The following C19orf38 variants were observed in gnomAD, a reference collection of about 807,000 sequenced individuals.
C19orf38 encodes the protein protein HIDE1.
A neutral mutation model predicts 26.6 loss-of-function variants in C19orf38; 14 were observed. That is an observed-to-expected ratio of 0.53 (90% CI 0.35 to 0.82). The LOEUF is 0.82. Among genes scored for constraint, C19orf38 ranks in the 40% least tolerant of loss-of-function variants. The probability of loss-of-function intolerance (pLI) is 0.01; values close to 1 mark genes in which losing one functional copy is unlikely to be tolerated. For missense variants in C19orf38, 261 were observed against 299.5 expected (o/e 0.87, Z 0.95); for synonymous variants, 132 against 128.5 (o/e 1.03, Z -0.18).
chr19:10,862,159 TAAAGTGCTG>T (rs2073704872), intron 5 of C19orf38, among the ~76,000 whole-genome samples: 1 of 150,868 alleles, frequency 6.6e-6, no homozygotes, highest in African/African-American at 2.4e-5. Context: ...CTCAGCCTCC[TAAAGTGCTG>T]GGATTACAGG....
intron 3 of C19orf38, among the ~76,000 whole-genome samples, chr19:10,856,635 C>G (rs1027397867): frequency 6.6e-6 from 1 of 151,958 alleles, no homozygotes; most frequent in African/African-American, 2.4e-5. Context: ...TCTCAAGTAG[C>G]TGGGATTACA....
chr19:10,863,830 T>C (rs2073726679), intron 6 of C19orf38, among the ~76,000 whole-genome samples: 1 of 152,096 alleles, frequency 6.6e-6, no homozygotes. Context: ...GGAGAATCAC[T>C]TGGACCCAGG....
intron 5 of C19orf38, among the ~76,000 whole-genome samples, chr19:10,862,594 C>T (rs1350641985): frequency 6.6e-6 from 1 of 152,018 alleles, no homozygotes; most frequent in African/African-American, 2.4e-5. Flanking sequence ...TTTTGGGAGG[C>T]CGAGGCAGGC....
upstream of C19orf38, among the ~76,000 whole-genome samples, chr19:10,846,885 G>A (rs1231725101): frequency 6.6e-6 from 1 of 152,198 alleles, no homozygotes; most frequent in Admixed American, 6.5e-5. Flanking sequence ...AGTTTTCCCA[G>A]AAGTGCTATT....
chr19:10,850,336 G>C lies in C19orf38; in HGVS notation c.109G>C (p.Ala37Pro), dbSNP rs899953239. The change falls in exon 2 of 7, where the codon GCA becomes CCA. Residue 37 changes from alanine to proline, a missense_variant. By Grantham distance (27) the Ala-to-Pro change is conservative (BLOSUM62 -1). Coordinates refer to ENST00000397820, the MANE Select transcript of C19orf38 (RefSeq NM_001136482.3). ...CAGCCAAGAGGACCCCATCCACATC[G>C]CATGCATGGCCCCTGGGAACTTCCC... ...PSSQEDPIHI[A>P]CMAPGNFPGA... is the part of the protein sequence containing the mutation. The C allele has an allele frequency of 6.4e-7, 1 of 1,551,258 alleles. No individual in the cohort carries two copies. Among genetic ancestry groups the C allele is most frequent in the South Asian group, 1.2e-5 (1 of 84,030 alleles).
intron 6 of C19orf38, among the ~76,000 whole-genome samples, chr19:10,864,250 G>A (rs984538119): frequency 5.9e-5 from 9 of 151,984 alleles, no homozygotes; most frequent in African/African-American, 1.9e-4. Context: ...AGTAGAGACG[G>A]GGGTTTCACC....
At chr19:10,856,468 G>C (rs1347487212) in intron 3 of C19orf38, 111 bp downstream of exon 3, 2 of 715,080 alleles carry the variant, frequency 2.8e-6, no homozygotes, top group Admixed American at 5.1e-5. Flanking sequence ...TCAGTAATTT[G>C]TTCATCACAC....
intron 6 of C19orf38, among the ~76,000 whole-genome samples, chr19:10,867,841 T>TG (rs1226959785): frequency 1.3e-4 from 20 of 151,234 alleles, no homozygotes; most frequent in Non-Finnish European, 2.8e-4. Context: ...TTAGTAGAGA[T>TG]GGGGTTTCAC....
In C19orf38 at chr19:10,850,327, A is replaced by G. The variant is rs1277644020; in HGVS notation, c.100A>G (p.Ile34Val). 3.9e-6 allele frequency: 6 copies of G among 1,551,190 alleles called. No homozygotes were observed. The highest frequency in any genetic ancestry group is 5.2e-6 in the Non-Finnish European group (6 of 1,146,950). Residue 34 changes from isoleucine to valine, a missense_variant, in exon 2 of 7, where the codon ATC becomes GTC. Coordinates refer to ENST00000397820, the MANE Select transcript of C19orf38 (RefSeq NM_001136482.3). ...PPYPSSQEDPIHIACMAPGNF... is the reference protein window; with the variant it reads ...PPYPSSQEDPVHIACMAPGNF... ...GTACCCAAGCAGCCAAGAGGACCCC[A>G]TCCACATCGCATGCATGGCCCCTGG...
intron 6 of C19orf38, 80 bp downstream of exon 6, chr19:10,863,287 G>T: frequency 6.9e-7 from 1 of 1,455,564 alleles, no homozygotes; most frequent in South Asian, 1.2e-5. Flanking sequence ...GGGGCACCAC[G>T]AGGCTAAGTT....
intron 6 of C19orf38, among the ~76,000 whole-genome samples, chr19:10,868,503 CTATTTATTTTTTATT>C (rs1192772983): frequency 1.3e-5 from 2 of 152,206 alleles, no homozygotes; most frequent in East Asian, 3.9e-4. Flanking sequence ...GGAGATAATA[CTATTTATTTTTTATT>C]TATTTATTTT....
intron 3 of C19orf38, 21 bp downstream of exon 3, chr19:10,856,378 G>A (rs2073625830): frequency 1.9e-6 from 3 of 1,541,688 alleles, no homozygotes; most frequent in Non-Finnish European, 2.6e-6. Context: ...GCAAAGCCTG[G>A]CACACAAGTT....
chr19:10,861,225 C>T (rs998056002), intron 5 of C19orf38, among the ~76,000 whole-genome samples: 25 of 152,208 alleles, frequency 1.6e-4, no homozygotes, highest in Non-Finnish European at 3.2e-4. Context: ...CTCTGCTGAA[C>T]GGCCAGCTCC....
chr19:10,840,499 ATTTTTG>A (rs57035632), intron 1 of C19orf38, among the ~76,000 whole-genome samples: 105 of 151,482 alleles, frequency 6.9e-4, no homozygotes, highest in South Asian at 1.0e-3. Flanking sequence ...ATAAAGACAG[ATTTTTG>A]TTTTTGTTTT....
At chr19:10,858,458 G>A (rs34464972) in intron 4 of C19orf38, 115 bp downstream of exon 4, 79,096 of 1,014,002 alleles carry the variant, frequency 0.078, 3,394 homozygotes, top group Non-Finnish European at 0.085. Flanking sequence ...GGCATGCTGC[G>A]TAATAGGAAC....
intron 4 of C19orf38, among the ~76,000 whole-genome samples, chr19:10,859,324 GTATGTA>G (rs1235897760): frequency 1.3e-4 from 17 of 129,546 alleles, no homozygotes; most frequent in South Asian, 2.5e-4. Context: ...GTGTGTGTGT[GTATGTA>G]TGTGTGTGTG....
chr19:10,856,967 T>C (rs1599665803), intron 3 of C19orf38, among the ~76,000 whole-genome samples: 1 of 151,508 alleles, frequency 6.6e-6, no homozygotes, highest in Non-Finnish European at 1.5e-5. Context: ...CAGCTAATTA[T>C]TTATTTATTT....
Position 10,859,375 on chromosome 19 carries a change from TATATATATA to T in C19orf38, c.462-539_462-531del, listed in dbSNP as rs1452434671. 1.8e-3 allele frequency among the ~76,000 whole-genome samples: 79 copies of T among 42,750 alleles called. 1 individual carries two copies. Among genetic ancestry groups the T allele is most frequent in the South Asian group, 0.012 (15 of 1,284 alleles). The allele number at this position is 42,750 out of a possible 152,430, so 28.0% of individuals were successfully genotyped here. A position where few individuals can be genotyped will look rare whatever the true frequency, so the allele number is the denominator to read the frequency against. ...ATATATATATATATATATATATATA[TATATATATA>T]TTTTTTTTTTTTTTTTTAGACGGAG... On this transcript the variant is annotated intron_variant, in intron 4 of 6. Coordinates refer to ENST00000397820, the MANE Select transcript of C19orf38 (RefSeq NM_001136482.3).
At chr19:10,857,035 A>G (rs777193338) in intron 3 of C19orf38, among the ~76,000 whole-genome samples, 9 of 151,536 alleles carry the variant, frequency 5.9e-5, no homozygotes, top group Non-Finnish European at 1.2e-4. Flanking sequence ...GGCTCAAGCA[A>G]TCCTCCCACC....
Sources: allele counts gnomAD v4.1 joint callset (sites outside exome capture counted in the v4.1 genomes callset), GRCh38; gene constraint gnomAD v4.1.1; transcripts MANE v1.5; gene names NCBI Gene and HGNC (gene_info 2026-07-23, HGNC 2026-07-21).